The following ARMH4 variants were observed in gnomAD, a reference collection of about 807,000 sequenced individuals.
The protein encoded by ARMH4 is armadillo like helical domain containing 4.
ARMH4 carries 49 observed loss-of-function variants against 61.9 expected under a neutral mutation model. That is an observed-to-expected ratio of 0.79 (90% CI 0.63 to 1.00). The LOEUF is 1.00. ARMH4 is among the 50% of genes least tolerant of loss of function. ARMH4 has a pLI of 0.00. For missense variants in ARMH4, 934 were observed against 930.0 expected (o/e 1.00, Z -0.06); for synonymous variants, 368 against 341.5 (o/e 1.08, Z -0.85).
intron 5 of ARMH4, among the ~76,000 whole-genome samples, chr14:58,075,617 G>T (rs905600006): frequency 6.6e-6 from 1 of 152,150 alleles, no homozygotes; most frequent in African/African-American, 2.4e-5. Context: ...GTGGGGACTA[G>T]GGGAGGGATA....
At chr14:58,018,944 AAG>A (rs1882714340) in intron 5 of ARMH4, among the ~76,000 whole-genome samples, 1 of 152,222 alleles carries the variant, frequency 6.6e-6, no homozygotes, top group Admixed American at 6.5e-5. Flanking sequence ...AGCCATAAAA[AAG>A]GAATAAAATC....
chr14:58,047,628 C>A (rs1883986194), intron 5 of ARMH4, among the ~76,000 whole-genome samples: 1 of 152,132 alleles, frequency 6.6e-6, no homozygotes, highest in Non-Finnish European at 1.5e-5. Flanking sequence ...GGCTGCAGAG[C>A]CTGTGCTCTC....
intron 4 of ARMH4, among the ~76,000 whole-genome samples, chr14:58,118,127 C>A (rs1190553284): frequency 6.6e-6 from 1 of 152,142 alleles, no homozygotes. Context: ...GAGCTGAATT[C>A]TTTCTGTTTC....
At chr14:58,032,468 A>G (rs574220859) in intron 5 of ARMH4, among the ~76,000 whole-genome samples, 2 of 152,356 alleles carry the variant, frequency 1.3e-5, no homozygotes, top group Admixed American at 6.5e-5. Flanking sequence ...CCTACTTAGA[A>G]CACTATTTAT....
intron 5 of ARMH4, among the ~76,000 whole-genome samples, chr14:58,048,853 C>A (rs1267251205): frequency 6.6e-6 from 1 of 152,132 alleles, no homozygotes; most frequent in Non-Finnish European, 1.5e-5. Flanking sequence ...TAATTAAACT[C>A]TTTATTTCAT....
intron 5 of ARMH4, among the ~76,000 whole-genome samples, chr14:58,039,043 C>T (rs1021113107): frequency 1.3e-5 from 2 of 152,204 alleles, no homozygotes; most frequent in African/African-American, 4.8e-5. Flanking sequence ...TCCACGCTTC[C>T]CCTGGACTGC....
chr14:58,117,531 A>C (rs1886570751), intron 4 of ARMH4, among the ~76,000 whole-genome samples: 1 of 152,190 alleles, frequency 6.6e-6, no homozygotes, highest in African/African-American at 2.4e-5. Flanking sequence ...TCATACTTAC[A>C]TGCATTTAGC....
chr14:58,112,213 T>A (rs975972390), intron 4 of ARMH4, among the ~76,000 whole-genome samples: 4 of 152,162 alleles, frequency 2.6e-5, no homozygotes, highest in Non-Finnish European at 1.5e-5. Flanking sequence ...TTAGCCCACT[T>A]GTATTTATTG....
rs377508439 is a variant in ARMH4 at position 58,004,705 on chromosome 14, G to A, written c.*31C>T. The stretch of plus-strand genomic sequence containing the variant: ...AAATAAAAATTAGAATAGTAGCATC[G>A]TTGAATATCCCAATTAAAACCCAGT... On this transcript the variant is annotated 3_prime_UTR_variant, in exon 8 of 8. Transcript: ENST00000267485. 9.5e-5 allele frequency: 145 copies of A among 1,519,158 alleles called. No individual in the cohort carries two copies. The highest frequency in any genetic ancestry group is 2.5e-4 in the Admixed American group (14 of 55,594). 94.1% of individuals were successfully genotyped at this position (1,519,158 alleles called of 1,614,324 possible). A position where few individuals can be genotyped will look rare whatever the true frequency, so the allele number is the denominator to read the frequency against.
intron 6 of ARMH4, among the ~76,000 whole-genome samples, chr14:58,011,782 A>AAAC (rs71107903): frequency 0.026 from 3,781 of 146,510 alleles, 115 homozygotes; most frequent in East Asian, 0.086. Flanking sequence ...AAAAAAAAAA[A>AAAC]CAGATGGAAT....
intron 5 of ARMH4, among the ~76,000 whole-genome samples, chr14:58,083,898 T>G (rs748036159): frequency 8.5e-5 from 13 of 152,234 alleles, no homozygotes; most frequent in Admixed American, 1.3e-4. Context: ...CCTGGCTTCT[T>G]CATTAATAAC....
chr14:58,009,618 C>T (rs902472963), intron 6 of ARMH4, among the ~76,000 whole-genome samples: 2 of 152,008 alleles, frequency 1.3e-5, no homozygotes, highest in African/African-American at 4.8e-5. Flanking sequence ...CAAGACCACC[C>T]TGGCCAACAT....
intron 4 of ARMH4, among the ~76,000 whole-genome samples, chr14:58,114,189 T>C (rs746602182): frequency 3.9e-5 from 6 of 152,200 alleles, no homozygotes; most frequent in Non-Finnish European, 8.8e-5. Context: ...AGAGAGAATT[T>C]ACATTTCCTT....
intron 5 of ARMH4, among the ~76,000 whole-genome samples, chr14:58,072,778 A>C (rs1884926092): frequency 6.6e-6 from 1 of 151,934 alleles, no homozygotes; most frequent in African/African-American, 2.4e-5. Context: ...CTGCAGCGAC[A>C]CCTACTGCTG....
At chr14:58,044,626 A>C (rs1883862055) in intron 5 of ARMH4, among the ~76,000 whole-genome samples, 1 of 152,200 alleles carries the variant, frequency 6.6e-6, no homozygotes. Flanking sequence ...GGATCTAATT[A>C]AACTAAAGAG....
intron 4 of ARMH4, among the ~76,000 whole-genome samples, chr14:58,128,500 T>G (rs1358435190): frequency 1.3e-5 from 2 of 152,162 alleles, no homozygotes; most frequent in Non-Finnish European, 2.9e-5. Flanking sequence ...GTGAGAATAT[T>G]TATCCCTAAA....
intron 1 of ARMH4, among the ~76,000 whole-genome samples, chr14:58,148,228 G>A (rs1177014735): frequency 6.6e-6 from 1 of 152,070 alleles, no homozygotes; most frequent in Admixed American, 6.5e-5. Context: ...TGTATTCTTA[G>A]TAGAAATGGG....
chr14:58,105,551 G>T (rs1418442062), intron 4 of ARMH4, among the ~76,000 whole-genome samples: 2 of 152,044 alleles, frequency 1.3e-5, no homozygotes, highest in Non-Finnish European at 2.9e-5. Context: ...GCCAGGCATG[G>T]TGGCACATGC....
At chr14:58,046,169 C>A (rs1398611009) in intron 5 of ARMH4, among the ~76,000 whole-genome samples, 3 of 152,112 alleles carry the variant, frequency 2.0e-5, no homozygotes, top group Non-Finnish European at 4.4e-5. Context: ...TCCTGTCCAG[C>A]CTTGTTGCTA....
Sources: allele counts gnomAD v4.1 joint callset (sites outside exome capture counted in the v4.1 genomes callset), GRCh38; gene constraint gnomAD v4.1.1; transcripts MANE v1.5; gene names NCBI Gene and HGNC (gene_info 2026-07-23, HGNC 2026-07-21).